The following CDH1 variants were observed in gnomAD, a reference collection of about 807,000 sequenced individuals.
CDH1 encodes the protein cadherin 1, also known as cadherin-1.
A neutral mutation model predicts 84.5 loss-of-function variants in CDH1; 35 were observed. That is an observed-to-expected ratio of 0.41 (90% CI 0.32 to 0.55). The LOEUF is 0.55. Among genes scored for constraint, CDH1 ranks in the 20% least tolerant of loss-of-function variants. The probability of loss-of-function intolerance (pLI) is 0.19; values close to 1 mark genes in which losing one functional copy is unlikely to be tolerated. For synonymous variants in CDH1, 417 were observed against 439.0 expected (o/e 0.95, Z 0.63); for missense variants, 994 against 1,126.6 (o/e 0.88, Z 1.68).
At chr16:68,776,684 A>G (rs984642160) in intron 2 of CDH1, among the ~76,000 whole-genome samples, 1 of 152,180 alleles carries the variant, frequency 6.6e-6, no homozygotes, top group Non-Finnish European at 1.5e-5. Context: ...GTTTCATTTT[A>G]TATTGCAGCT....
In CDH1 at chr16:68,810,265, A is replaced by G. The variant is rs1418929635; in HGVS notation, c.756A>G (p.Val252=). 6.2e-7 allele frequency: 1 copy of G among 1,613,838 alleles called. No individual in the cohort carries two copies. Among genetic ancestry groups the G allele is most frequent in the East Asian group, 2.2e-5 (1 of 44,886 alleles). The change falls in exon 6 of 16, where the codon GTA becomes GTG. Residue 252 remains valine, a synonymous_variant. Coordinates refer to ENST00000261769, the MANE Select transcript of CDH1 (RefSeq NM_004360.5). ...ATCCAATGGAGATTTTGATCACGGT[A>G]ACCGATCAGAATGACAACAAGCCCG... The part of the protein sequence containing the change: ...VEDPMEILIT[V]TDQNDNKPEF...
chr16:68,737,751 G>A (rs984188943), intron 1 of CDH1, among the ~76,000 whole-genome samples: 4 of 152,270 alleles, frequency 2.6e-5, no homozygotes, highest in African/African-American at 4.8e-5. Context: ...GGCGGTGGGG[G>A]CGTGAAGCGG....
chr16:68,763,077 G>A (rs1351089179), intron 2 of CDH1, among the ~76,000 whole-genome samples: 1 of 152,084 alleles, frequency 6.6e-6, no homozygotes, highest in East Asian at 1.9e-4. Context: ...ATTGTAAAAA[G>A]TAGCTTAATT....
intron 7 of CDH1, 90 bp downstream of exon 7, chr16:68,811,949 G>A: frequency 6.7e-7 from 1 of 1,501,222 alleles, no homozygotes. Context: ...TAGGCCAGTT[G>A]TCAGTTAATA....
At chr16:68,761,503 G>A (rs928871335) in intron 2 of CDH1, among the ~76,000 whole-genome samples, 2 of 152,218 alleles carry the variant, frequency 1.3e-5, no homozygotes, top group Non-Finnish European at 2.9e-5. Flanking sequence ...CGGACACAGA[G>A]ACCCAGACAC....
chr16:68,800,503 A>G (rs528948183), intron 2 of CDH1, among the ~76,000 whole-genome samples: 3 of 152,324 alleles, frequency 2.0e-5, no homozygotes, highest in East Asian at 1.9e-4. Context: ...GATGGCTTCA[A>G]GGGCTTTCTG....
chr16:68,798,782 G>C (rs140804454), intron 2 of CDH1, among the ~76,000 whole-genome samples: 13 of 152,060 alleles, frequency 8.5e-5, no homozygotes, highest in Admixed American at 1.3e-4. Context: ...TGCTGGGGGT[G>C]GGGGAGGACT....
intron 2 of CDH1, among the ~76,000 whole-genome samples, chr16:68,761,952 C>T (rs1372061227): frequency 1.3e-5 from 2 of 152,144 alleles, no homozygotes; most frequent in Non-Finnish European, 2.9e-5. Flanking sequence ...GTCCTTTAGC[C>T]CAGATCCACC....
At chr16:68,745,002 G>GT (rs1004008958) in intron 2 of CDH1, among the ~76,000 whole-genome samples, 10 of 152,044 alleles carry the variant, frequency 6.6e-5, no homozygotes, top group African/African-American at 1.7e-4. Context: ...AGAAACTGGC[G>GT]TTTTTTTGCT....
At chr16:68,750,957 G>A (rs537432489) in intron 2 of CDH1, among the ~76,000 whole-genome samples, 1 of 152,056 alleles carries the variant, frequency 6.6e-6, no homozygotes, top group Admixed American at 6.6e-5. Flanking sequence ...TTCCCACCTT[G>A]GCCTCCCAAA....
intron 2 of CDH1, among the ~76,000 whole-genome samples, chr16:68,789,911 C>G (rs997659221): frequency 6.6e-6 from 1 of 152,132 alleles, no homozygotes; most frequent in Admixed American, 6.6e-5. Flanking sequence ...ACAAAATTAA[C>G]CGGGCATGGT....
intron 2 of CDH1, chr16:68,764,998 A>G (rs1427774071): frequency 1.3e-5 from 2 of 152,102 alleles, no homozygotes; most frequent in Non-Finnish European, 2.9e-5. Flanking sequence ...CCTTATTTCT[A>G]ACTTGCCCAG....
At chr16:68,754,250 G>T (rs866023495) in intron 2 of CDH1, among the ~76,000 whole-genome samples, 20 of 151,632 alleles carry the variant, frequency 1.3e-4, no homozygotes, top group African/African-American at 4.6e-4. Flanking sequence ...CTCTACAAAA[G>T]ATTTTTAAAA....
At chr16:68,762,618 A>G (rs1959252137) in intron 2 of CDH1, among the ~76,000 whole-genome samples, 1 of 152,138 alleles carries the variant, frequency 6.6e-6, no homozygotes, top group South Asian at 2.1e-4. Context: ...AAAACAAAAC[A>G]AAAACACAGG....
intron 2 of CDH1, among the ~76,000 whole-genome samples, chr16:68,797,207 C>T (rs528673438): frequency 5.9e-5 from 9 of 152,066 alleles, no homozygotes; most frequent in Non-Finnish European, 1.2e-4. Flanking sequence ...GGCATCATAG[C>T]GAGACCCTGT....
intron 2 of CDH1, among the ~76,000 whole-genome samples, chr16:68,749,768 C>T (rs7194684): frequency 0.012 from 1,863 of 152,254 alleles, 38 homozygotes; most frequent in African/African-American, 0.043. Context: ...CTTCCAAAAC[C>T]AGGTCTCTCA....
At chr16:68,811,546 C>A in intron 6 of CDH1, 138 bp from the exon 7 acceptor site, 2 of 741,108 alleles carry the variant, frequency 2.7e-6, no homozygotes, top group South Asian at 3.0e-5. Flanking sequence ...GGTAAGAATT[C>A]TAGGAATTAG....
intron 2 of CDH1, among the ~76,000 whole-genome samples, chr16:68,756,156 T>C (rs1325892640): frequency 6.6e-6 from 1 of 150,942 alleles, no homozygotes; most frequent in Admixed American, 6.6e-5. Context: ...TTTGTGCATG[T>C]ATACGAGTGT....
At chr16:68,826,068 C>T (rs535901032) in intron 13 of CDH1, among the ~76,000 whole-genome samples, 1 of 152,228 alleles carries the variant, frequency 6.6e-6, no homozygotes, top group African/African-American at 2.4e-5. Context: ...AGTCCTCCCA[C>T]CTTGGCCTTC....
Sources: gnomAD v4.1 joint callset for allele counts (sites outside exome capture counted in the v4.1 genomes callset) on GRCh38, gnomAD v4.1.1 for gene constraint, MANE v1.5 for transcripts, NCBI Gene and HGNC (gene_info 2026-07-23, HGNC 2026-07-21) for gene names.